Variants in DMD observed in about 807,000 individuals in gnomAD.
The protein encoded by DMD is mutant dystrophin.
In DMD, 63 loss-of-function variants were observed where a neutral mutation model predicts 330.1. That is an observed-to-expected ratio of 0.19 (90% CI 0.16 to 0.24). The LOEUF (loss-of-function observed/expected upper bound fraction) is 0.24, where lower values mean the gene tolerates loss of function less well. Ranked by LOEUF, DMD falls within the 10% of genes least tolerant of loss-of-function variation. The probability of loss-of-function intolerance (pLI) is 1.00; values close to 1 mark genes in which losing one functional copy is unlikely to be tolerated. For missense variants in DMD, 3,344 were observed against 2,684.1 expected, an observed-to-expected ratio of 1.25 and a Z score of -5.43; for synonymous variants, 1,223 against 959.8, an observed-to-expected ratio of 1.27 and a Z score of -5.07.
rs2032555966 is a variant in DMD at position 31,121,535 on chromosome X, A to ACTGTT, written c.*379_*383dup. ...CTTTAGTTTACAATCTTTCTTTATA[A>ACTGTT]CTGTTATAAATTTTTAAACAACCCA... On this transcript the variant is annotated 3_prime_UTR_variant, in exon 79 of 79. Transcript: ENST00000357033. The ACTGTT allele has an allele frequency of 4.5e-6, 1 of 224,122 alleles. No homozygotes were observed. Among genetic ancestry groups the ACTGTT allele is most frequent in the Non-Finnish European group, 8.0e-6 (1 of 124,782 alleles). 18.5% of individuals were successfully genotyped at this position (224,122 alleles called of 1,213,427 possible). A position where few individuals can be genotyped will look rare whatever the true frequency, so the allele number is the denominator to read the frequency against.
At chrX:33,139,868 TAAAAA>T (rs3990971) in intron 1 of DMD, among the ~76,000 whole-genome samples, 1 of 64,354 alleles carries the variant, frequency 1.6e-5, no homozygotes, top group Admixed American at 1.8e-4. Context: ...GCCCCATCGC[TAAAAA>T]AAAAAAAAAA....
At chrX:31,347,037 G>GAAAAAAA (rs1491435471) in intron 61 of DMD, among the ~76,000 whole-genome samples, 1 of 23,362 alleles carries the variant, frequency 4.3e-5, no homozygotes, top group Admixed American at 9.0e-4. Context: ...AAAAAAAAAA[G>GAAAAAAA]GAAGGATGCA....
At chrX:32,214,957 G>A (rs1223103757) in intron 44 of DMD, among the ~76,000 whole-genome samples, 1 of 111,385 alleles carries the variant, frequency 9.0e-6, no homozygotes, top group Non-Finnish European at 1.9e-5. Flanking sequence ...GATAAAATTA[G>A]TAGAGAAGAA....
intron 12 of DMD, among the ~76,000 whole-genome samples, chrX:32,611,249 G>A (rs950433025): frequency 6.4e-5 from 7 of 109,724 alleles, no homozygotes; most frequent in Admixed American, 3.9e-4. Flanking sequence ...TGTCAAATCT[G>A]TCAAAAAAAA....
At chrX:31,787,576 C>T (rs2091367839) in intron 50 of DMD, among the ~76,000 whole-genome samples, 1 of 111,375 alleles carries the variant, frequency 9.0e-6, no homozygotes, top group East Asian at 2.8e-4. Context: ...AATATGCACA[C>T]TTCCTGTAAC....
intron 15 of DMD, among the ~76,000 whole-genome samples, chrX:32,571,327 A>G (rs749215789): frequency 2.1e-4 from 23 of 111,868 alleles, no homozygotes; most frequent in Non-Finnish European, 3.8e-4. Context: ...ATTCCTCTAG[A>G]TATGATAGAA....
intron 74 of DMD, among the ~76,000 whole-genome samples, chrX:31,164,134 C>T (rs1235870741): frequency 8.9e-6 from 1 of 112,075 alleles, no homozygotes; most frequent in Non-Finnish European, 1.9e-5. Context: ...TTAATGTTCA[C>T]ATCTTCCGGA....
chrX:33,103,179 C>T (rs923702178), intron 1 of DMD, among the ~76,000 whole-genome samples: 5 of 111,558 alleles, frequency 4.5e-5, no homozygotes, highest in Admixed American at 2.9e-4. Context: ...ATATTAAATA[C>T]GTCCAGAATT....
At chrX:32,732,436 G>C (rs2067820415) in intron 7 of DMD, among the ~76,000 whole-genome samples, 1 of 110,206 alleles carries the variant, frequency 9.1e-6, no homozygotes, top group Admixed American at 9.7e-5. Flanking sequence ...TCCTCGAGAA[G>C]AGCAACTCCA....
intron 18 of DMD, among the ~76,000 whole-genome samples, chrX:32,512,087 G>T (rs756631847): frequency 2.3e-4 from 26 of 111,756 alleles, no homozygotes; most frequent in African/African-American, 8.4e-4. Flanking sequence ...AGGCAACTAA[G>T]TTATATAATA....
intron 1 of DMD, among the ~76,000 whole-genome samples, chrX:33,181,700 T>C (rs2050010778): frequency 8.9e-6 from 1 of 112,211 alleles, no homozygotes; most frequent in South Asian, 3.7e-4. Context: ...CCATATGTCA[T>C]TATTAGCTGC....
At position 32,476,808 on chromosome X, in the gene DMD, C is replaced by T. The variant is rs533693197; in HGVS notation, c.2804-4499G>A. ...GCTGGTGAGATATCTGTAGATGCTG[C>T]CCTTGTGATCCCAACATAGGAGCAG... On this transcript the variant is annotated intron_variant, in intron 21 of 78. Transcript: ENST00000357033. 3.0e-4 allele frequency among the ~76,000 whole-genome samples: 33 copies of T among 111,663 alleles called. 1 individual carries two copies. Among genetic ancestry groups the T allele is most frequent in the Middle Eastern group, 4.6e-3 (1 of 218 alleles).
At chrX:32,901,868 T>C (rs747879331) in intron 2 of DMD, among the ~76,000 whole-genome samples, 2 of 110,422 alleles carry the variant, frequency 1.8e-5, no homozygotes, top group South Asian at 7.6e-4. Context: ...CTTTTATCTG[T>C]TTTATAGTTT....
chrX:32,439,553 C>T (rs1166171705), intron 28 of DMD, among the ~76,000 whole-genome samples: 2 of 110,491 alleles, frequency 1.8e-5, no homozygotes, highest in African/African-American at 6.6e-5. Context: ...AAAGTATATA[C>T]CTTGTTAAAT....
At chrX:31,877,199 A>T (rs187875021) in intron 47 of DMD, among the ~76,000 whole-genome samples, 1 of 112,328 alleles carries the variant, frequency 8.9e-6, no homozygotes, top group African/African-American at 3.2e-5. Context: ...TTGTAAATGC[A>T]TGTATATATG....
chrX:31,356,774 C>A (rs1181921011), intron 60 of DMD, among the ~76,000 whole-genome samples: 1 of 111,748 alleles, frequency 8.9e-6, no homozygotes, highest in East Asian at 2.8e-4. Context: ...GACCCAAGTA[C>A]CTTAAGGGTA....
chrX:33,258,625 A>T (rs191302088), intron 1 of DMD, among the ~76,000 whole-genome samples: 1 of 111,288 alleles, frequency 9.0e-6, no homozygotes, highest in East Asian at 2.8e-4. Context: ...CAACAAAATG[A>T]CAGAAGATAG....
chrX:33,176,747 C>A (rs1402228406), intron 1 of DMD, among the ~76,000 whole-genome samples: 1 of 110,885 alleles, frequency 9.0e-6, no homozygotes, highest in African/African-American at 3.3e-5. Context: ...ACCAGCCTTG[C>A]CAACATGGTG....
intron 44 of DMD, among the ~76,000 whole-genome samples, chrX:32,210,382 G>A (rs16990164): frequency 0.047 from 5,239 of 111,106 alleles, 304 homozygotes; most frequent in African/African-American, 0.16. Context: ...TATTCTTAAC[G>A]TTAGGGTCCC....
Sources: gnomAD v4.1 joint callset for allele counts (sites outside exome capture counted in the v4.1 genomes callset) on GRCh38, gnomAD v4.1.1 for gene constraint, MANE v1.5 for transcripts, NCBI Gene and HGNC (gene_info 2026-07-23, HGNC 2026-07-21) for gene names.